The following TENT5C variants were observed in gnomAD, a reference collection of about 807,000 sequenced individuals.
The protein encoded by TENT5C is family with sequence similarity 46 member C.
TENT5C carries 5 observed loss-of-function variants against 22.2 expected under a neutral mutation model. The observed-to-expected ratio is 0.22, with a 90% CI of 0.12 to 0.47. TENT5C has a LOEUF of 0.47. Ranked by LOEUF, TENT5C falls within the 20% of genes least tolerant of loss-of-function variation. The probability of loss-of-function intolerance (pLI) is 0.99; values close to 1 mark genes in which losing one functional copy is unlikely to be tolerated. For missense variants in TENT5C, 364 were observed against 500.9 expected (o/e 0.73, Z 2.61); for synonymous variants, 199 against 195.4 (o/e 1.02, Z -0.15).
intron 1 of TENT5C, among the ~76,000 whole-genome samples, chr1:117,622,027 G>C (rs373012610): frequency 6.6e-6 from 1 of 152,130 alleles, no homozygotes; most frequent in Non-Finnish European, 1.5e-5. Context: ...CACACTGCCC[G>C]GGGGAAGTTG....
chr1:117,627,495 C>T lies in TENT5C; in HGVS notation c.*3451C>T, dbSNP rs775124658. On this transcript the variant is annotated 3_prime_UTR_variant, in exon 2 of 2. Coordinates refer to ENST00000369448, the MANE Select transcript of TENT5C (RefSeq NM_017709.4). ...TTGGGATACAGCTATATTCTTAGCT[C>T]AAATGTCCTCTTTTTGAGAGCAAAG... 1.2e-5 allele frequency: 3 copies of T among 247,956 alleles called. No homozygotes were observed. Among genetic ancestry groups the T allele is most frequent in the African/African-American group, 2.2e-5 (1 of 45,326 alleles). 15.4% of individuals were successfully genotyped at this position (247,956 alleles called of 1,614,324 possible).
chr1:117,609,472 G>A (rs1287633347), intron 1 of TENT5C, among the ~76,000 whole-genome samples: 1 of 152,244 alleles, frequency 6.6e-6, no homozygotes, highest in Non-Finnish European at 1.5e-5. Context: ...TGAGACTAAA[G>A]TCTTGGAGTC....
In TENT5C at chr1:117,622,872, G is replaced by A; in HGVS notation, c.4G>A (p.Ala2Thr). The change falls in exon 2 of 2, where the codon GCA becomes ACA. Residue 2 changes from alanine to threonine, a missense_variant. Physicochemically the swap from Ala to Thr is moderately conservative, Grantham distance 58 (BLOSUM62 0). Transcript: ENST00000369448. ...CCAGCCAGAACATCCCCTGAAGATG[G>A]CAGAGGAGAGCAGCTGTACCAGGGA... is the stretch of plus-strand genomic sequence containing the variant. M[A>T]EESSCTRDCM... The A allele has an allele frequency of 6.2e-7, 1 of 1,607,744 alleles. No homozygotes were observed. The highest frequency in any genetic ancestry group is 8.5e-7 in the Non-Finnish European group (1 of 1,174,658).
chr1:117,616,526 C>T (rs763741399), intron 1 of TENT5C, among the ~76,000 whole-genome samples: 4 of 152,178 alleles, frequency 2.6e-5, no homozygotes, highest in Non-Finnish European at 5.9e-5. Context: ...CACAGGTGCA[C>T]GGGTCCCCTG....
Position 117,623,164 on chromosome 1 carries a change from T to C in TENT5C, c.296T>C (p.Leu99Pro). The C allele has an allele frequency of 6.2e-7, 1 of 1,614,250 alleles. No homozygotes were observed. The change falls in exon 2 of 2, where the codon CTT becomes CCT. Residue 99 changes from leucine to proline, a missense_variant. By Grantham distance (98) the Leu-to-Pro change is moderately conservative (BLOSUM62 -3). Transcript: ENST00000369448. ...KDLDLIFHVA[L>P]PTEAEFQLVR... ...CTGGACCTAATCTTCCATGTGGCTC[T>C]TCCAACAGAGGCAGAATTTCAGCTG...
In TENT5C at chr1:117,624,722, A is replaced by AG; in HGVS notation, c.*682dup. 1 of 248,016 alleles carries AG rather than the reference A, an allele frequency of 4.0e-6. No individual in the cohort carries two copies. Among genetic ancestry groups the AG allele is most frequent in the East Asian group, 6.0e-5 (1 of 16,554 alleles). The allele number at this position is 248,016 out of a possible 1,614,324, so 15.4% of individuals were successfully genotyped here. On this transcript the variant is annotated 3_prime_UTR_variant, in exon 2 of 2. Coordinates refer to ENST00000369448, the MANE Select transcript of TENT5C (RefSeq NM_017709.4). ...CCTGAGGAATTGCGAGATATTGCTG[A>AG]GGGGAAAAAAAAATGACCTTTTCTT...
intron 1 of TENT5C, among the ~76,000 whole-genome samples, chr1:117,607,956 A>C (rs1446324872): frequency 1.3e-5 from 2 of 152,132 alleles, no homozygotes; most frequent in African/African-American, 4.8e-5. Flanking sequence ...TTTTTCTCTT[A>C]AGGTATACCC....
Position 117,621,870 on chromosome 1 carries a change from TG to T in TENT5C, c.-27-970del, listed in dbSNP as rs556804687. On this transcript the variant is annotated intron_variant, in intron 1 of 1. Coordinates refer to ENST00000369448, the MANE Select transcript of TENT5C (RefSeq NM_017709.4). ...CAGGGATCCATTGTGTTTTATTTTT[TG>T]GTAAGTATAACATAGCTGAAAATTA... is the stretch of plus-strand genomic sequence containing the variant. 1.4e-3 allele frequency among the ~76,000 whole-genome samples: 213 copies of T among 152,338 alleles called. 2 individuals are homozygous for T. In the South Asian group the frequency reaches 0.017, roughly 12 times the overall value.
Position 117,627,149 on chromosome 1 carries a change from C to T in TENT5C, c.*3105C>T. On this transcript the variant is annotated 3_prime_UTR_variant, in exon 2 of 2. Transcript: ENST00000369448. ...GGTGAGTTGGGTAAGGAAGATGATG[C>T]TTAGTTCCTGATAGATGCTACAGAT... is the stretch of plus-strand genomic sequence containing the variant. 4.0e-6 allele frequency: 1 copy of T among 248,160 alleles called. No individual in the cohort carries two copies. The allele number at this position is 248,160 out of a possible 1,614,324, so 15.4% of individuals were successfully genotyped here. A position where few individuals can be genotyped will look rare whatever the true frequency, so the allele number is the denominator to read the frequency against.
chr1:117,617,122 C>T (rs1340909981), intron 1 of TENT5C, among the ~76,000 whole-genome samples: 1 of 152,178 alleles, frequency 6.6e-6, no homozygotes, highest in Admixed American at 6.5e-5. Flanking sequence ...ACCTTGGGTT[C>T]CTCACACTTT....
At chr1:117,621,254 G>T (rs1467934629) in intron 1 of TENT5C, among the ~76,000 whole-genome samples, 1 of 152,078 alleles carries the variant, frequency 6.6e-6, no homozygotes, top group Admixed American at 6.6e-5. Flanking sequence ...TACTCAGCCC[G>T]CTGCTTTCTG....
intron 1 of TENT5C, among the ~76,000 whole-genome samples, chr1:117,608,125 A>G (rs1271147923): frequency 6.6e-6 from 1 of 152,170 alleles, no homozygotes; most frequent in Non-Finnish European, 1.5e-5. Context: ...ATTGTTACCA[A>G]AACAAAGATC....
At chr1:117,606,395 G>A (rs1653535659) in intron 1 of TENT5C, among the ~76,000 whole-genome samples, 1 of 152,224 alleles carries the variant, frequency 6.6e-6, no homozygotes, top group African/African-American at 2.4e-5. Context: ...GGCCAGAAGA[G>A]ACGCTCCGAA....
At chr1:117,618,994 A>C (rs1653841293) in intron 1 of TENT5C, among the ~76,000 whole-genome samples, 1 of 152,196 alleles carries the variant, frequency 6.6e-6, no homozygotes, top group Admixed American at 6.5e-5. Context: ...TTGAAAACAA[A>C]CCCTGAATGC....
At chr1:117,610,717 T>C (rs558685101) in intron 1 of TENT5C, among the ~76,000 whole-genome samples, 1 of 152,260 alleles carries the variant, frequency 6.6e-6, no homozygotes, top group South Asian at 2.1e-4. Context: ...TTAGTAGAGA[T>C]GGGGTTTCAC....
At chr1:117,610,411 A>G (rs1474018158) in intron 1 of TENT5C, among the ~76,000 whole-genome samples, 1 of 152,202 alleles carries the variant, frequency 6.6e-6, no homozygotes, top group Non-Finnish European at 1.5e-5. Flanking sequence ...GCACAAAGGA[A>G]TGATACTCCT....
At position 117,623,083 on chromosome 1, in the gene TENT5C, A is replaced by G. The variant is rs1355231501; in HGVS notation, c.215A>G (p.Asn72Ser). Residue 72 changes from asparagine (N) to serine (S), a missense_variant, in exon 2 of 2, where the codon AAT becomes AGT. By Grantham distance (46) the Asn-to-Ser change is conservative (BLOSUM62 1). This residue lies in a region of TENT5C where 303 missense variants were observed against 394.5 expected (regional missense o/e 0.77). Coordinates refer to ENST00000369448, the MANE Select transcript of TENT5C (RefSeq NM_017709.4). ...ATCAAAGTGCACGACGTCCGGCTGA[A>G]TGGCTCCGCAGCTGGCCACGTTTTG... ...AGIKVHDVRL[N>S]GSAAGHVLVK... is the part of the protein sequence containing the mutation. The G allele has an allele frequency of 4.3e-6, 7 of 1,614,248 alleles. No homozygotes were observed. The highest frequency in any genetic ancestry group is 5.9e-6 in the Non-Finnish European group (7 of 1,180,052).
In TENT5C at chr1:117,623,694, A is replaced by C. The variant is rs1653947739; in HGVS notation, c.826A>C (p.Ile276Leu). The change falls in exon 2 of 2, where the codon ATC becomes CTC. Residue 276 changes from isoleucine (I) to leucine (L), a missense_variant. Coordinates refer to ENST00000369448, the MANE Select transcript of TENT5C (RefSeq NM_017709.4). The stretch of plus-strand genomic sequence containing the variant: ...GCGCTACATGTGCTCCAGGTTCTTC[A>C]TCGACTTCCCGGACATCCTTGAACA... ...LERYMCSRFF[I>L]DFPDILEQQR... is the part of the protein sequence containing the mutation. 6.2e-7 allele frequency: 1 copy of C among 1,614,010 alleles called. No individual in the cohort carries two copies. Among genetic ancestry groups the C allele is most frequent in the Non-Finnish European group, 8.5e-7 (1 of 1,180,014 alleles).
chr1:117,625,969 G>A lies in TENT5C; in HGVS notation c.*1925G>A, dbSNP rs1037914673. 1 of 247,630 alleles carries A rather than the reference G, an allele frequency of 4.0e-6. No individual in the cohort carries two copies. The highest frequency in any genetic ancestry group is 8.5e-6 in the Non-Finnish European group (1 of 117,964). The allele number at this position is 247,630 out of a possible 1,614,324, so 15.3% of individuals were successfully genotyped here. A position where few individuals can be genotyped will look rare whatever the true frequency, so the allele number is the denominator to read the frequency against. On this transcript the variant is annotated 3_prime_UTR_variant, in exon 2 of 2. Transcript: ENST00000369448. ...GGTTCTAATTGAGGGGACCCAGTGT[G>A]CTTCAGTGTTAAGAGTGGGGCAATG...
Sources: gnomAD v4.1 joint callset for allele counts (sites outside exome capture counted in the v4.1 genomes callset) on GRCh38, gnomAD v4.1.1 for gene constraint, gnomAD v4.1.1 regional missense constraint, MANE v1.5 for transcripts, NCBI Gene and HGNC (gene_info 2026-07-23, HGNC 2026-07-21) for gene names.